The following NBEA variants were observed in gnomAD, a reference collection of about 807,000 sequenced individuals.
NBEA encodes the protein neurobeachin.
Under a neutral mutation model 343.4 loss-of-function variants are expected in NBEA, and 44 were observed. The observed-to-expected ratio is 0.13, with a 90% CI of 0.10 to 0.16. The LOEUF (loss-of-function observed/expected upper bound fraction) is 0.16, where lower values mean the gene tolerates loss of function less well. Ranked by LOEUF, NBEA falls within the 10% of genes least tolerant of loss-of-function variation. NBEA has a pLI of 1.00. For missense variants in NBEA, 2,555 were observed against 3,631.3 expected, an observed-to-expected ratio of 0.70 and a Z score of 7.62; for synonymous variants, 1,175 against 1,238.7, an observed-to-expected ratio of 0.95 and a Z score of 1.08.
At chr13:35,451,685 T>C (rs182552114) in intron 39 of NBEA, among the ~76,000 whole-genome samples, 1 of 152,348 alleles carries the variant, frequency 6.6e-6, no homozygotes, top group East Asian at 1.9e-4. Context: ...AGACAAAGTA[T>C]AATTATGTAA....
At chr13:35,041,359 A>G (rs904384744) in intron 2 of NBEA, among the ~76,000 whole-genome samples, 195 bp downstream of exon 2, 2 of 152,140 alleles carry the variant, frequency 1.3e-5, no homozygotes, top group Non-Finnish European at 2.9e-5. Flanking sequence ...TTACTATAGT[A>G]GACAAACATA....
intron 36 of NBEA, among the ~76,000 whole-genome samples, chr13:35,322,576 C>T (rs1463402864): frequency 6.6e-6 from 1 of 152,168 alleles, no homozygotes; most frequent in Non-Finnish European, 1.5e-5. Flanking sequence ...GGCAAGATGG[C>T]CAGCCAACGC....
chr13:35,531,659 G>C (rs1309159051), intron 41 of NBEA, among the ~76,000 whole-genome samples: 2 of 152,300 alleles, frequency 1.3e-5, no homozygotes, highest in Non-Finnish European at 2.9e-5. Context: ...GTATTACTGA[G>C]AGAAAAGTGT....
chr13:35,315,120 A>C (rs2037631625), intron 36 of NBEA, among the ~76,000 whole-genome samples: 1 of 152,216 alleles, frequency 6.6e-6, no homozygotes. Flanking sequence ...AATATTTAAA[A>C]ATTCACTTTA....
At chr13:35,005,130 A>G (rs962842412) in intron 1 of NBEA, among the ~76,000 whole-genome samples, 3 of 152,012 alleles carry the variant, frequency 2.0e-5, no homozygotes, top group Non-Finnish European at 2.9e-5. Context: ...CATGTCTTGT[A>G]TTAGCATTTG....
chr13:35,201,232 A>G (rs1333030369), intron 31 of NBEA, among the ~76,000 whole-genome samples: 1 of 151,972 alleles, frequency 6.6e-6, no homozygotes, highest in African/African-American at 2.4e-5. Context: ...CATTTCCCCA[A>G]TGTTGTTGAC....
chr13:35,003,022 G>A (rs966428900), intron 1 of NBEA, among the ~76,000 whole-genome samples: 6 of 152,140 alleles, frequency 3.9e-5, no homozygotes, highest in African/African-American at 1.4e-4. Context: ...TAATAAGAGA[G>A]CGTTCTCCAG....
At chr13:35,450,229 C>T (rs568722167) in intron 39 of NBEA, among the ~76,000 whole-genome samples, 8 of 151,964 alleles carry the variant, frequency 5.3e-5, no homozygotes, top group African/African-American at 1.9e-4. Context: ...AATCCCAGCA[C>T]TTTGGAAGGC....
intron 10 of NBEA, among the ~76,000 whole-genome samples, chr13:35,078,350 A>G (rs1411091914): frequency 6.6e-6 from 1 of 152,184 alleles, no homozygotes; most frequent in Non-Finnish European, 1.5e-5. Flanking sequence ...ACAAAAGTTA[A>G]TTGTTTTTTC....
intron 36 of NBEA, among the ~76,000 whole-genome samples, chr13:35,338,874 T>G (rs1335617053): frequency 6.6e-6 from 1 of 152,128 alleles, no homozygotes; most frequent in Non-Finnish European, 1.5e-5. Flanking sequence ...TACACCATAT[T>G]GCTGAAATGA....
At chr13:35,384,649 C>T (rs536478911) in intron 38 of NBEA, among the ~76,000 whole-genome samples, 2 of 151,592 alleles carry the variant, frequency 1.3e-5, no homozygotes, top group East Asian at 3.9e-4. Flanking sequence ...CTTCTGCCTC[C>T]TGAGTAGCTA....
chr13:35,185,398 G>C (rs2071623060), intron 30 of NBEA: 1 of 152,112 alleles, frequency 6.6e-6, no homozygotes, highest in African/African-American at 2.4e-5. Flanking sequence ...GTTACAACTT[G>C]ATGAATGTAC....
chr13:35,286,783 T>C (rs2152815525), intron 34 of NBEA, among the ~76,000 whole-genome samples: 1 of 152,186 alleles, frequency 6.6e-6, no homozygotes, highest in South Asian at 2.1e-4. Context: ...TTTTGTTTTG[T>C]TTTGTTTTGT....
At chr13:35,475,074 A>C in intron 41 of NBEA, 1 of 1,610,882 alleles carries the variant, frequency 6.2e-7, no homozygotes, top group Non-Finnish European at 8.5e-7. Flanking sequence ...GTTTTTCCAA[A>C]CTTTTCGGGT....
chr13:35,448,328 A>G (rs2046144371), intron 39 of NBEA, among the ~76,000 whole-genome samples: 1 of 152,208 alleles, frequency 6.6e-6, no homozygotes, highest in Non-Finnish European at 1.5e-5. Context: ...CATGATTTTT[A>G]TATAAGGAAA....
In NBEA at chr13:35,319,715, C is replaced by T. The variant is rs575574622; in HGVS notation, c.5903+10123C>T. Among the ~76,000 whole-genome samples, 375 of 152,100 alleles carry T rather than the reference C, an allele frequency of 2.5e-3. 1 individual carries two copies. Among genetic ancestry groups the T allele is most frequent in the African/African-American group, 8.6e-3 (356 of 41,514 alleles). On this transcript the variant is annotated intron_variant, in intron 36 of 58. Coordinates refer to ENST00000379939, the MANE Select transcript of NBEA (RefSeq NM_001385012.1). Reference sequence around the variant, plus strand: ...GTGTTAAAGTCTCCCACTATTATTGCGTAGGAGTCTAAGTCTCTTTGTAAG... The same window carrying T: ...GTGTTAAAGTCTCCCACTATTATTGTGTAGGAGTCTAAGTCTCTTTGTAAG...
At chr13:35,498,667 C>T (rs543936791) in intron 41 of NBEA, among the ~76,000 whole-genome samples, 30 of 152,150 alleles carry the variant, frequency 2.0e-4, no homozygotes, top group Non-Finnish European at 3.2e-4. Context: ...AATATTTTTG[C>T]TTCATATCTG....
chr13:35,089,030 A>G (rs2152623134), intron 10 of NBEA, among the ~76,000 whole-genome samples: 1 of 118,686 alleles, frequency 8.4e-6, no homozygotes, highest in African/African-American at 3.2e-5. Context: ...CACCAAAAGC[A>G]ATGGCAACAA....
At chr13:35,001,202 A>G (rs1437740491) in intron 1 of NBEA, among the ~76,000 whole-genome samples, 1 of 152,066 alleles carries the variant, frequency 6.6e-6, no homozygotes, top group Non-Finnish European at 1.5e-5. Flanking sequence ...AGAAAAGGGA[A>G]CTCTTATACA....
Sources: gnomAD v4.1 joint callset for allele counts (sites outside exome capture counted in the v4.1 genomes callset) on GRCh38, gnomAD v4.1.1 for gene constraint, MANE v1.5 for transcripts, NCBI Gene and HGNC (gene_info 2026-07-23, HGNC 2026-07-21) for gene names.